Variants in SLC26A7 observed in about 807,000 individuals in gnomAD.
SLC26A7 encodes the protein anion exchange transporter.
In SLC26A7, 59 loss-of-function variants were observed where a neutral mutation model predicts 82.5. The ratio of observed to expected loss-of-function variants is 0.72; its 90% confidence interval spans 0.58 to 0.89. SLC26A7 has a LOEUF of 0.89. SLC26A7 is among the 40% of genes least tolerant of loss of function. The probability of loss-of-function intolerance (pLI) is 0.00; values close to 1 mark genes in which losing one functional copy is unlikely to be tolerated. For missense variants in SLC26A7, 820 were observed against 793.0 expected (o/e 1.03, Z -0.41); for synonymous variants, 271 against 274.3 (o/e 0.99, Z 0.12).
chr8:91,362,310 A>G, intron 11 of SLC26A7, 43 bp from the exon 12 acceptor site: 1 of 1,465,866 alleles, frequency 6.8e-7, no homozygotes, highest in Non-Finnish European at 9.5e-7. Flanking sequence ...GAAGAAGTGA[A>G]TTCCAAAGGA....
intron 2 of SLC26A7, among the ~76,000 whole-genome samples, chr8:91,225,190 A>AGGTGCT (rs1810216507): frequency 6.6e-6 from 1 of 152,216 alleles, no homozygotes; most frequent in Non-Finnish European, 1.5e-5. Flanking sequence ...CAGTGGCAGC[A>AGGTGCT]GGTGCTGGTT....
intron 18 of SLC26A7, chr8:91,394,838 A>T: frequency 1.2e-6 from 1 of 826,226 alleles, no homozygotes. Context: ...AAGGAAACTG[A>T]CCAGGGAAAT....
chr8:91,331,237 A>G (rs1194594364), intron 5 of SLC26A7, among the ~76,000 whole-genome samples: 4 of 152,198 alleles, frequency 2.6e-5, no homozygotes, highest in Admixed American at 2.0e-4. Context: ...AACTGAGCCC[A>G]TAACAATGTC....
At chr8:91,379,994 C>T (rs1814625266) in intron 15 of SLC26A7, among the ~76,000 whole-genome samples, 1 of 152,028 alleles carries the variant, frequency 6.6e-6, no homozygotes. Flanking sequence ...AGGCATTTCA[C>T]ATAAAGGGAC....
Position 91,306,123 on chromosome 8 carries a change from T to A in SLC26A7, c.477+10420T>A, listed in dbSNP as rs574296395. Among the ~76,000 whole-genome samples, 23 of 152,318 alleles carry A rather than the reference T, an allele frequency of 1.5e-4. No homozygotes were observed. In the South Asian group the frequency reaches 4.6e-3, roughly 30 times the overall value. The stretch of plus-strand genomic sequence containing the variant: ...TGGCTAGTTTTGTTACTTCCAGACT[T>A]GCTGTGAACATATCCATGCTGTCCT... On this transcript the variant is annotated intron_variant, in intron 4 of 18. Transcript: ENST00000276609.
chr8:91,363,854 A>G (rs1254434865), intron 13 of SLC26A7, among the ~76,000 whole-genome samples: 3 of 152,126 alleles, frequency 2.0e-5, no homozygotes, highest in Non-Finnish European at 4.4e-5. Context: ...AAAGTAATCA[A>G]ACTAAACTGA....
intron 11 of SLC26A7, among the ~76,000 whole-genome samples, chr8:91,360,742 G>T (rs1814027747): frequency 6.6e-6 from 1 of 152,106 alleles, no homozygotes; most frequent in African/African-American, 2.4e-5. Flanking sequence ...AATCACGGAG[G>T]ATGGCCCAGA....
At chr8:91,236,551 A>G (rs1389097670) in intron 2 of SLC26A7, among the ~76,000 whole-genome samples, 1 of 120,002 alleles carries the variant, frequency 8.3e-6, no homozygotes, top group East Asian at 2.4e-4. Context: ...TATAAATTCA[A>G]TAACTTCTGT....
intron 7 of SLC26A7, among the ~76,000 whole-genome samples, chr8:91,339,616 A>G (rs1455241823): frequency 6.7e-6 from 1 of 148,296 alleles, no homozygotes; most frequent in African/African-American, 2.5e-5. Flanking sequence ...GTTTTCTTCT[A>G]CTGCCTGAGG....
chr8:91,263,332 T>C (rs1330519125), intron 2 of SLC26A7, among the ~76,000 whole-genome samples: 6 of 152,068 alleles, frequency 3.9e-5, no homozygotes, highest in Non-Finnish European at 7.4e-5. Context: ...TTTATGACCA[T>C]GCTGCCTTGA....
At chr8:91,340,338 T>G in intron 7 of SLC26A7, 66 bp from the exon 8 acceptor site, 1 of 1,567,898 alleles carries the variant, frequency 6.4e-7, no homozygotes. Context: ...ACAGTTAAAT[T>G]CATTGCAAGT....
At chr8:91,287,278 C>G (rs1483159006) in intron 2 of SLC26A7, among the ~76,000 whole-genome samples, 1 of 152,126 alleles carries the variant, frequency 6.6e-6, no homozygotes, top group Non-Finnish European at 1.5e-5. Context: ...CTGGGAAAAT[C>G]CAGTTTTTAA....
At chr8:91,368,168 AG>A (rs1041267238) in intron 14 of SLC26A7, among the ~76,000 whole-genome samples, 1 of 152,180 alleles carries the variant, frequency 6.6e-6, no homozygotes, top group African/African-American at 2.4e-5. Flanking sequence ...CACTGTATCA[AG>A]GGTACCTACA....
chr8:91,377,082 A>G (rs1814537998), intron 15 of SLC26A7, among the ~76,000 whole-genome samples: 2 of 152,062 alleles, frequency 1.3e-5, no homozygotes, highest in African/African-American at 4.8e-5. Context: ...GCTGTTCTGT[A>G]TAGGAAGGAG....
intron 11 of SLC26A7, among the ~76,000 whole-genome samples, chr8:91,353,454 A>T (rs959262996): frequency 6.6e-6 from 1 of 152,162 alleles, no homozygotes; most frequent in South Asian, 2.1e-4. Context: ...GGTCTCATGA[A>T]TTGCCTTTTA....
chr8:91,341,424 C>T (rs1158237225), intron 8 of SLC26A7, among the ~76,000 whole-genome samples: 2 of 152,282 alleles, frequency 1.3e-5, no homozygotes, highest in Non-Finnish European at 2.9e-5. Flanking sequence ...TGTCATGGTC[C>T]TACAGAGCTG....
intron 4 of SLC26A7, among the ~76,000 whole-genome samples, chr8:91,312,233 T>G (rs1263102678): frequency 6.6e-6 from 1 of 152,200 alleles, no homozygotes; most frequent in Non-Finnish European, 1.5e-5. Flanking sequence ...TGGCTTATTT[T>G]ATTTAGCATA....
intron 2 of SLC26A7, among the ~76,000 whole-genome samples, chr8:91,279,125 GTATATA>G (rs55869816): frequency 0.079 from 8,706 of 110,696 alleles, 360 homozygotes; most frequent in South Asian, 0.15. Flanking sequence ...GTGTGTGTGT[GTATATA>G]TATATATATA....
intron 5 of SLC26A7, among the ~76,000 whole-genome samples, chr8:91,326,793 C>A (rs1440897506): frequency 6.6e-6 from 1 of 152,160 alleles, no homozygotes; most frequent in Non-Finnish European, 1.5e-5. Flanking sequence ...AAATCAAGGT[C>A]TCTTCTGGTC....
Sources: gnomAD v4.1 joint callset for allele counts (sites outside exome capture counted in the v4.1 genomes callset) on GRCh38, gnomAD v4.1.1 for gene constraint, MANE v1.5 for transcripts, NCBI Gene and HGNC (gene_info 2026-07-23, HGNC 2026-07-21) for gene names.